The following NF2 variants were observed in gnomAD, a reference collection of about 807,000 sequenced individuals.
The protein encoded by NF2 is NF2, moesin-ezrin-radixin like (MERLIN) tumor suppressor.
A neutral mutation model predicts 83.7 loss-of-function variants in NF2; 8 were observed. That is an observed-to-expected ratio of 0.10 (90% CI 0.06 to 0.17). NF2 has a LOEUF of 0.17. Among genes scored for constraint, NF2 ranks in the 10% least tolerant of loss-of-function variants. The pLI is 1.00. For synonymous variants in NF2, 266 were observed against 269.6 expected (o/e 0.99, Z 0.13); for missense variants, 533 against 744.4 (o/e 0.72, Z 3.31).
intron 15 of NF2, among the ~76,000 whole-genome samples, chr22:29,687,316 G>A (rs959475916): frequency 1.3e-5 from 2 of 152,238 alleles, no homozygotes; most frequent in African/African-American, 4.8e-5. Context: ...GGAACAGGAA[G>A]AAGAGGAGCC....
intron 4 of NF2, 77 bp from the exon 5 acceptor site, chr22:29,654,580 A>G: frequency 8.2e-7 from 1 of 1,216,130 alleles, no homozygotes; most frequent in Non-Finnish European, 1.2e-6. Context: ...GGAGGGAATG[A>G]GATTGGTCCA....
chr22:29,637,888 T>C (rs1200131209), intron 2 of NF2, among the ~76,000 whole-genome samples: 13 of 152,228 alleles, frequency 8.5e-5, no homozygotes, highest in Admixed American at 3.9e-4. Flanking sequence ...TTGAATCTCC[T>C]TGGCATTGCC....
chr22:29,667,720 G>T (rs569815891), intron 9 of NF2, among the ~76,000 whole-genome samples: 1 of 152,030 alleles, frequency 6.6e-6, no homozygotes, highest in African/African-American at 2.4e-5. Context: ...CCAGTTTGTT[G>T]CTCTTTTTCT....
chr22:29,695,772 T>C lies in NF2; in HGVS notation c.*970T>C. The C allele has an allele frequency of 4.3e-6, 1 of 233,984 alleles. No homozygotes were observed. The highest frequency in any genetic ancestry group is 8.4e-6 in the Non-Finnish European group (1 of 118,542). The allele number at this position is 233,984 out of a possible 1,614,324, so 14.5% of individuals were successfully genotyped here. A position where few individuals can be genotyped will look rare whatever the true frequency, so the allele number is the denominator to read the frequency against. On this transcript the variant is annotated 3_prime_UTR_variant, in exon 16 of 16. Coordinates refer to ENST00000338641, the MANE Select transcript of NF2 (RefSeq NM_000268.4). The surrounding 1 kb of genome is among the most constrained non-coding windows in gnomAD (Gnocchi z 5.4). ...GCCCAGTCTGCACGGCCCATCTGCT[T>C]CACCTTCCCTCCCAGCCACGTGCCA... is the stretch of plus-strand genomic sequence containing the variant.
intron 8 of NF2, among the ~76,000 whole-genome samples, chr22:29,662,678 G>A (rs2066512401): frequency 6.6e-6 from 1 of 152,224 alleles, no homozygotes; most frequent in Non-Finnish European, 1.5e-5. Flanking sequence ...GGGCTGTGTT[G>A]TCAATATCTC....
intron 4 of NF2, among the ~76,000 whole-genome samples, chr22:29,652,555 G>T (rs1009895552): frequency 3.9e-5 from 6 of 152,112 alleles, no homozygotes; most frequent in Non-Finnish European, 5.9e-5. Context: ...GCCCGCCTAG[G>T]CCTCCCAAAA....
In NF2 at chr22:29,695,159, T is replaced by C. The variant is rs989072311; in HGVS notation, c.*357T>C. 4.4e-6 allele frequency: 2 copies of C among 454,640 alleles called. No homozygotes were observed. The highest frequency in any genetic ancestry group is 6.7e-5 in the Admixed American group (2 of 29,658). 28.2% of individuals were successfully genotyped at this position (454,640 alleles called of 1,614,324 possible). On this transcript the variant is annotated 3_prime_UTR_variant, in exon 16 of 16. Transcript: ENST00000338641. The surrounding 1 kb of genome is among the most constrained non-coding windows in gnomAD (Gnocchi z 5.4). ...CACCGCCCAGCCTGGGAAGTCATTG[T>C]AGGGAGTGAGACACTGAAGCCCTGA... is the stretch of plus-strand genomic sequence containing the variant.
chr22:29,661,396 T>A (rs2147012959), intron 8 of NF2, 57 bp downstream of exon 8: 1 of 1,607,322 alleles, frequency 6.2e-7, no homozygotes, highest in Non-Finnish European at 8.5e-7. Context: ...TCTGCCCCCC[T>A]CACTGGAGCC....
intron 15 of NF2, among the ~76,000 whole-genome samples, chr22:29,686,895 T>A (rs1316840945): frequency 6.6e-6 from 1 of 152,190 alleles, no homozygotes; most frequent in African/African-American, 2.4e-5. Context: ...CATCTGAGCC[T>A]TCCGAGTGAG....
rs2067595400 is a variant in NF2, at chr22:29,697,802, G to C, written c.*3000G>C. On this transcript the variant is annotated 3_prime_UTR_variant, in exon 16 of 16. Transcript: ENST00000338641. ...GCTGGTCTCGAACTCCCGACCTCAG[G>C]TGATCTGCCCACCTCGGCCTCCCAA... 1 of 181,168 alleles carries C rather than the reference G, an allele frequency of 5.5e-6. No homozygotes were observed. The highest frequency in any genetic ancestry group is 1.2e-5 in the Non-Finnish European group (1 of 84,858). 11.2% of individuals were successfully genotyped at this position (181,168 alleles called of 1,614,324 possible). A position where few individuals can be genotyped will look rare whatever the true frequency, so the allele number is the denominator to read the frequency against.
At chr22:29,620,046 G>T (rs1002706755) in intron 1 of NF2, among the ~76,000 whole-genome samples, 9 of 152,288 alleles carry the variant, frequency 5.9e-5, no homozygotes, top group African/African-American at 2.2e-4. Flanking sequence ...GATCACTTGA[G>T]GCCAGGAGTT....
chr22:29,689,245 C>T (rs903741663), intron 15 of NF2, among the ~76,000 whole-genome samples: 1 of 151,776 alleles, frequency 6.6e-6, no homozygotes, highest in African/African-American at 2.4e-5. Context: ...GTACAGCCAT[C>T]CCCCTTTACT....
chr22:29,623,480 G>GA (rs1271044734), intron 1 of NF2, among the ~76,000 whole-genome samples: 5 of 152,186 alleles, frequency 3.3e-5, no homozygotes, highest in Non-Finnish European at 7.3e-5. Context: ...GTATCACATT[G>GA]AAACCTGAAC....
chr22:29,609,020 A>C, intron 1 of NF2: 1 of 694,858 alleles, frequency 1.4e-6, no homozygotes, highest in Non-Finnish European at 2.7e-6. Context: ...GTAATGGATG[A>C]ACATGCATGT....
rs924804696 is a variant in NF2, at chr22:29,668,582, T to C, written c.999+136T>C. 4 of 698,648 alleles carry C rather than the reference T, an allele frequency of 5.7e-6. 1 individual carries two copies. In the African/African-American group the frequency reaches 7.0e-5, roughly 12 times the overall value. The allele number at this position is 698,648 out of a possible 1,614,324, so 43.3% of individuals were successfully genotyped here. A position where few individuals can be genotyped will look rare whatever the true frequency, so the allele number is the denominator to read the frequency against. ...CTCTTGTTTTATACCTTTTGGATCT[T>C]CATTTGCCGATGCCTACCTGGTGGG... On this transcript the variant is annotated intron_variant, in intron 10 of 15. Transcript: ENST00000338641.
intron 4 of NF2, among the ~76,000 whole-genome samples, chr22:29,643,285 TTG>T (rs1208447402): frequency 6.6e-6 from 1 of 150,762 alleles, no homozygotes; most frequent in African/African-American, 2.5e-5. Context: ...CTGGTCTTAC[TTG>T]TGTGATTTTT....
intron 13 of NF2, among the ~76,000 whole-genome samples, chr22:29,677,905 C>T (rs2067013212): frequency 6.6e-6 from 1 of 152,170 alleles, no homozygotes; most frequent in Admixed American, 6.5e-5. Context: ...CTGGGAGTTT[C>T]CTAAATGAAA....
At chr22:29,623,821 G>A (rs2065276299) in intron 1 of NF2, among the ~76,000 whole-genome samples, 1 of 152,180 alleles carries the variant, frequency 6.6e-6, no homozygotes, top group Admixed American at 6.5e-5. Flanking sequence ...GTGTGACCTT[G>A]GGCGCATCAC....
At chr22:29,680,813 A>G (rs1048030351) in intron 14 of NF2, among the ~76,000 whole-genome samples, 7 of 151,864 alleles carry the variant, frequency 4.6e-5, no homozygotes, top group African/African-American at 1.7e-4. Context: ...CTTTGAGACC[A>G]GGGGTTCAAA....
Sources: gnomAD v4.1 joint callset for allele counts (sites outside exome capture counted in the v4.1 genomes callset) on GRCh38, gnomAD v4.1.1 for gene constraint, Gnocchi (gnomAD v3.1) non-coding constraint, MANE v1.5 for transcripts, NCBI Gene and HGNC (gene_info 2026-07-23, HGNC 2026-07-21) for gene names.